SPADH: variants seen among roughly 807,000 people sequenced by gnomAD.
SPADH encodes spermadhesin family member.
chr10:122,677,531 G>A, the SPADH span, among the ~76,000 whole-genome samples: 1 of 152,190 alleles, frequency 6.6e-6, no homozygotes, highest in Non-Finnish European at 1.5e-5. Context: ...AATGAATGAA[G>A]TGATAAAGCC....
At chr10:122,675,614 T>G in the SPADH span, 3 of 969,862 alleles carry the variant, frequency 3.1e-6, no homozygotes, top group Admixed American at 6.2e-5. Flanking sequence ...ATTTTCATGG[T>G]TTTTTTTGTT....
At chr10:122,677,426 C>A in the SPADH span, among the ~76,000 whole-genome samples, 29 of 152,288 alleles carry the variant, frequency 1.9e-4, no homozygotes, top group African/African-American at 6.3e-4. Context: ...AAGCTCTACA[C>A]TGAATTTATA....
chr10:122,675,472 G>A, the SPADH span, among the ~76,000 whole-genome samples: 1 of 152,092 alleles, frequency 6.6e-6, no homozygotes, highest in African/African-American at 2.4e-5. Context: ...CCATAAATGG[G>A]GACAGTGACG....
chr10:122,673,992 A>G, the SPADH span, among the ~76,000 whole-genome samples: 2 of 152,240 alleles, frequency 1.3e-5, no homozygotes, highest in Non-Finnish European at 2.9e-5. Context: ...AATTAGGGCT[A>G]CAGTGAGGCC....
chr10:122,676,752 G>A, the SPADH span: 3 of 985,364 alleles, frequency 3.0e-6, no homozygotes, highest in Non-Finnish European at 3.6e-6. Flanking sequence ...TTCTCCTCTT[G>A]TAGCACCCAG....
At chr10:122,675,868 C>A in the SPADH span, among the ~76,000 whole-genome samples, 1 of 152,158 alleles carries the variant, frequency 6.6e-6, no homozygotes, top group African/African-American at 2.4e-5. Flanking sequence ...CCATGAGACT[C>A]CTCCCAACTT....
the SPADH span, among the ~76,000 whole-genome samples, chr10:122,677,059 C>T: frequency 6.6e-6 from 1 of 152,158 alleles, no homozygotes; most frequent in Non-Finnish European, 1.5e-5. Context: ...CTCGTTTTCT[C>T]CAAATAAAGT....
chr10:122,673,633 G>A, the SPADH span, among the ~76,000 whole-genome samples: 12 of 152,182 alleles, frequency 7.9e-5, no homozygotes, highest in African/African-American at 2.9e-4. Flanking sequence ...TCGTCTCTAT[G>A]TCTCTCTTCC....
At chr10:122,677,066 A>C in the SPADH span, among the ~76,000 whole-genome samples, 4 of 152,072 alleles carry the variant, frequency 2.6e-5, no homozygotes, top group African/African-American at 7.2e-5. Context: ...TCTCCAAATA[A>C]AGTTGATTTT....
chr10:122,679,361 T>C, the SPADH span, among the ~76,000 whole-genome samples: 1 of 152,164 alleles, frequency 6.6e-6, no homozygotes, highest in African/African-American at 2.4e-5. Context: ...TCTCTATTGA[T>C]CTTATTATAT....
chr10:122,675,337 A>G, the SPADH span, among the ~76,000 whole-genome samples: 6 of 152,292 alleles, frequency 3.9e-5, no homozygotes, highest in African/African-American at 1.4e-4. Context: ...GAGTGAGACA[A>G]TTGAACTTTA....
chr10:122,678,613 G>A, the SPADH span, among the ~76,000 whole-genome samples: 4 of 152,206 alleles, frequency 2.6e-5, no homozygotes, highest in African/African-American at 9.6e-5. Flanking sequence ...AGACTGGGAA[G>A]CCACCTGCTG....
the SPADH span, among the ~76,000 whole-genome samples, chr10:122,675,923 T>A: frequency 6.6e-6 from 1 of 152,200 alleles, no homozygotes; most frequent in South Asian, 2.1e-4. Context: ...TGCCCTCCTG[T>A]CTGACCAGCC....
At chr10:122,675,558 T>C in the SPADH span, 12 of 433,460 alleles carry the variant, frequency 2.8e-5, no homozygotes, top group Non-Finnish European at 3.4e-5. Flanking sequence ...CTCTTCACAG[T>C]GTAGTCATTT....
the SPADH span, among the ~76,000 whole-genome samples, chr10:122,673,886 C>T: frequency 6.6e-6 from 1 of 152,184 alleles, no homozygotes; most frequent in Admixed American, 6.5e-5. Flanking sequence ...ATTTCAGCCT[C>T]ACTGTAGGCC....
chr10:122,679,121 A>G, the SPADH span: 1 of 568,314 alleles, frequency 1.8e-6, no homozygotes, highest in South Asian at 7.8e-5. Context: ...CATATGTTGG[A>G]CAGAGGCTAT....
chr10:122,678,530 T>C, the SPADH span, among the ~76,000 whole-genome samples: 1 of 152,096 alleles, frequency 6.6e-6, no homozygotes, highest in Admixed American at 6.5e-5. Context: ...ACACAGCTGA[T>C]GTTTTGACTA....
chr10:122,674,995 C>A, the SPADH span, among the ~76,000 whole-genome samples: 1 of 152,188 alleles, frequency 6.6e-6, no homozygotes, highest in Non-Finnish European at 1.5e-5. Flanking sequence ...GTCACGTGCA[C>A]CGTGGGACGT....
the SPADH span, among the ~76,000 whole-genome samples, chr10:122,674,856 G>A: frequency 6.6e-6 from 1 of 152,212 alleles, no homozygotes; most frequent in Non-Finnish European, 1.5e-5. Context: ...GAGTGACTGA[G>A]GCTTAGGGAG....
Sources: allele counts gnomAD v4.1 joint callset (sites outside exome capture counted in the v4.1 genomes callset), GRCh38; gene constraint gnomAD v4.1.1; transcripts MANE v1.5; gene names NCBI Gene and HGNC (gene_info 2026-07-23, HGNC 2026-07-21).